The following ZNF385D variants were observed in gnomAD, a reference collection of about 807,000 sequenced individuals.
ZNF385D encodes zinc finger protein 385D, also known as zinc finger protein 659.
ZNF385D carries 15 observed loss-of-function variants against 35.8 expected under a neutral mutation model. The ratio of observed to expected loss-of-function variants is 0.42; its 90% CI spans 0.28 to 0.64. ZNF385D has a LOEUF of 0.64. ZNF385D is among the 30% of genes least tolerant of loss of function. The probability of loss-of-function intolerance (pLI) is 0.23; values close to 1 mark genes in which losing one functional copy is unlikely to be tolerated. For missense variants in ZNF385D, 474 were observed against 494.6 expected, an observed-to-expected ratio of 0.96 and a Z score of 0.39; for synonymous variants, 212 against 186.8, an observed-to-expected ratio of 1.13 and a Z score of -1.10.
intron 3 of ZNF385D, among the ~76,000 whole-genome samples, chr3:21,923,348 T>C (rs955815334): frequency 5.3e-5 from 8 of 151,956 alleles, no homozygotes; most frequent in East Asian, 1.9e-4. Flanking sequence ...TATGAAAAAG[T>C]CAAAAAACAA....
intron 2 of ZNF385D, among the ~76,000 whole-genome samples, chr3:22,201,708 A>G (rs1288038006): frequency 2.0e-5 from 3 of 151,982 alleles, no homozygotes; most frequent in Non-Finnish European, 2.9e-5. Context: ...ATGACCACAT[A>G]TTTGTAATAC....
chr3:21,631,408 C>T (rs764462636), intron 2 of ZNF385D, among the ~76,000 whole-genome samples: 4 of 152,058 alleles, frequency 2.6e-5, no homozygotes, highest in Non-Finnish European at 4.4e-5. Flanking sequence ...CAGCCTATCT[C>T]CCCACCCTAC....
intron 4 of ZNF385D, among the ~76,000 whole-genome samples, chr3:21,479,789 A>C (rs1704489337): frequency 6.6e-6 from 1 of 152,192 alleles, no homozygotes; most frequent in Non-Finnish European, 1.5e-5. Context: ...ATTCATTACA[A>C]AAGCCACTTT....
At chr3:21,946,019 T>C (rs1701764985) in intron 3 of ZNF385D, among the ~76,000 whole-genome samples, 1 of 152,200 alleles carries the variant, frequency 6.6e-6, no homozygotes, top group Non-Finnish European at 1.5e-5. Context: ...CTTAATGCAG[T>C]GTGCATATTC....
intron 4 of ZNF385D, among the ~76,000 whole-genome samples, chr3:21,463,305 G>A (rs1045696931): frequency 7.2e-5 from 11 of 152,134 alleles, no homozygotes; most frequent in Middle Eastern, 3.4e-3. Flanking sequence ...ATTTTTACAG[G>A]GACACTAGAA....
At chr3:21,525,291 G>A (rs1214998636) in intron 3 of ZNF385D, among the ~76,000 whole-genome samples, 1 of 151,884 alleles carries the variant, frequency 6.6e-6, no homozygotes, top group African/African-American at 2.4e-5. Flanking sequence ...GTGATTTGAG[G>A]AAGAAATGCC....
At chr3:21,642,502 G>A (rs955782752) in intron 2 of ZNF385D, among the ~76,000 whole-genome samples, 4 of 151,912 alleles carry the variant, frequency 2.6e-5, no homozygotes, top group East Asian at 1.9e-4. Flanking sequence ...ATGACATAAC[G>A]TATCTTTTAT....
chr3:21,643,063 T>A (rs1246194209), intron 2 of ZNF385D, among the ~76,000 whole-genome samples: 1 of 152,074 alleles, frequency 6.6e-6, no homozygotes, highest in African/African-American at 2.4e-5. Context: ...TTAAAAATGG[T>A]TAAAATGGTA....
chr3:21,956,508 A>T (rs1702297157), intron 3 of ZNF385D, among the ~76,000 whole-genome samples: 1 of 152,076 alleles, frequency 6.6e-6, no homozygotes. Context: ...ACTAAGAGGT[A>T]ACCTTGGAAA....
intron 1 of ZNF385D, among the ~76,000 whole-genome samples, chr3:21,692,992 T>C (rs1575472582): frequency 6.6e-6 from 1 of 152,184 alleles, no homozygotes; most frequent in Non-Finnish European, 1.5e-5. Context: ...ATTGGACATT[T>C]ATTGTGAGTT....
At chr3:22,083,304 C>A (rs879871752) in intron 3 of ZNF385D, among the ~76,000 whole-genome samples, 2 of 152,130 alleles carry the variant, frequency 1.3e-5, no homozygotes. Flanking sequence ...GGAGGATGTT[C>A]GAACCCATCG....
chr3:22,220,879 G>C (rs1038798658), intron 2 of ZNF385D, among the ~76,000 whole-genome samples: 1 of 152,114 alleles, frequency 6.6e-6, no homozygotes, highest in Non-Finnish European at 1.5e-5. Context: ...ACTCCCAAAA[G>C]TATGATATAC....
intron 3 of ZNF385D, among the ~76,000 whole-genome samples, chr3:22,140,560 A>T (rs2125702599): frequency 6.6e-6 from 1 of 152,304 alleles, no homozygotes; most frequent in African/African-American, 2.4e-5. Flanking sequence ...GTACAATCCA[A>T]ATAAATTTGT....
intron 1 of ZNF385D, among the ~76,000 whole-genome samples, chr3:21,666,285 T>C (rs1014838168): frequency 7.9e-5 from 12 of 152,140 alleles, no homozygotes; most frequent in Non-Finnish European, 1.5e-4. Flanking sequence ...GCTAACAAGG[T>C]AGATGACTTA....
At chr3:21,830,617 C>T (rs1015039769) in intron 3 of ZNF385D, among the ~76,000 whole-genome samples, 38 of 152,026 alleles carry the variant, frequency 2.5e-4, no homozygotes, top group African/African-American at 9.2e-4. Context: ...CCTTGTCTGT[C>T]GAAGATGAGA....
intron 4 of ZNF385D, among the ~76,000 whole-genome samples, chr3:21,460,428 G>T (rs1415252323): frequency 1.3e-5 from 2 of 152,102 alleles, no homozygotes; most frequent in African/African-American, 4.8e-5. Context: ...ATTTAACTTT[G>T]ATTATGCTAA....
At chr3:21,981,679 G>T (rs1009427305) in intron 3 of ZNF385D, among the ~76,000 whole-genome samples, 1 of 151,994 alleles carries the variant, frequency 6.6e-6, no homozygotes, top group African/African-American at 2.4e-5. Flanking sequence ...TGTCTTCTAG[G>T]GTTTTTACAG....
intron 3 of ZNF385D, among the ~76,000 whole-genome samples, chr3:22,032,189 T>C (rs1465625957): frequency 6.6e-6 from 1 of 152,226 alleles, no homozygotes; most frequent in East Asian, 1.9e-4. Context: ...CATCTTCCTG[T>C]CTTCTTCTGA....
intron 3 of ZNF385D, among the ~76,000 whole-genome samples, chr3:22,028,452 G>A (rs1697705626): frequency 1.3e-5 from 2 of 152,154 alleles, no homozygotes; most frequent in South Asian, 4.1e-4. Flanking sequence ...TGCCCGATTT[G>A]CCAGCAGCAG....
Sources: gnomAD v4.1 joint callset for allele counts (sites outside exome capture counted in the v4.1 genomes callset) on GRCh38, gnomAD v4.1.1 for gene constraint, MANE v1.5 for transcripts, NCBI Gene and HGNC (gene_info 2026-07-23, HGNC 2026-07-21) for gene names.